Variants in ATXN1 observed in about 807,000 individuals in gnomAD.
ATXN1 encodes the protein ataxin 1.
In ATXN1, 8 loss-of-function variants were observed where a neutral mutation model predicts 56.4. The observed-to-expected ratio is 0.14, with a 90% CI of 0.08 to 0.26. The LOEUF is 0.26. ATXN1 is among the 10% of genes least tolerant of loss of function. The pLI is 1.00. For missense variants in ATXN1, 987 were observed against 1,106.5 expected (o/e 0.89, Z 1.53); for synonymous variants, 514 against 494.6 (o/e 1.04, Z -0.52).
intron 2 of ATXN1, among the ~76,000 whole-genome samples, chr6:16,751,071 C>A (rs148028261): frequency 6.6e-6 from 1 of 151,016 alleles, no homozygotes; most frequent in East Asian, 2.0e-4. Context: ...AGGATTCAAG[C>A]GATTCTCCTG....
At chr6:16,748,768 G>C (rs1036416258) in intron 2 of ATXN1, among the ~76,000 whole-genome samples, 1 of 151,632 alleles carries the variant, frequency 6.6e-6, no homozygotes, top group African/African-American at 2.4e-5. Context: ...TCTTGTCTTT[G>C]ATGAAAGTTA....
intron 2 of ATXN1, among the ~76,000 whole-genome samples, chr6:16,729,273 C>T (rs1441551603): frequency 6.6e-6 from 1 of 152,206 alleles, no homozygotes; most frequent in Non-Finnish European, 1.5e-5. Context: ...CAAAGGCAGA[C>T]TTCAAAAGGA....
chr6:16,366,314 C>T (rs1394567786), intron 6 of ATXN1, among the ~76,000 whole-genome samples: 2 of 152,122 alleles, frequency 1.3e-5, no homozygotes, highest in Admixed American at 6.5e-5. Context: ...ACCCAGAATA[C>T]CACATTAATT....
At chr6:16,426,339 G>A (rs1759154092) in intron 6 of ATXN1, among the ~76,000 whole-genome samples, 1 of 152,104 alleles carries the variant, frequency 6.6e-6, no homozygotes, top group Non-Finnish European at 1.5e-5. Context: ...CCAGGCAAAT[G>A]AGAATGAGAA....
At chr6:16,645,010 T>C (rs1056642751) in intron 3 of ATXN1, among the ~76,000 whole-genome samples, 63 of 152,330 alleles carry the variant, frequency 4.1e-4, no homozygotes, top group African/African-American at 1.4e-3. Flanking sequence ...TAATATGTGC[T>C]TGTAGGTTCA....
At chr6:16,565,602 G>A (rs1345898653) in intron 4 of ATXN1, among the ~76,000 whole-genome samples, 1 of 152,112 alleles carries the variant, frequency 6.6e-6, no homozygotes, top group African/African-American at 2.4e-5. Context: ...TGAACCAGAA[G>A]GTCTCTGGGT....
intron 6 of ATXN1, among the ~76,000 whole-genome samples, chr6:16,391,314 A>C (rs756542446): frequency 5.3e-5 from 8 of 152,258 alleles, no homozygotes; most frequent in Non-Finnish European, 7.4e-5. Context: ...CAGCACCATC[A>C]AAATTGTGCA....
At chr6:16,577,634 T>C (rs1762449230) in intron 4 of ATXN1, among the ~76,000 whole-genome samples, 1 of 151,516 alleles carries the variant, frequency 6.6e-6, no homozygotes, top group Non-Finnish European at 1.5e-5. Flanking sequence ...TCTGTAAACA[T>C]AGAAGAATTT....
At position 16,326,748 on chromosome 6, in the gene ATXN1, C is replaced by T. The variant is rs528819863; in HGVS notation, c.1563G>A (p.Thr521=). ...TCTTGGGAAGGGCGGTGGTGACGAACGTGTGAGGCACTGCAGCAAACTGGG... is the reference window on the plus strand; with the variant it reads ...TCTTGGGAAGGGCGGTGGTGACGAATGTGTGAGGCACTGCAGCAAACTGGG... ...SSPQFAAVPH[T]FVTTALPKSE... is the part of the protein sequence containing the mutation. Residue 521 remains threonine (T), a synonymous_variant, in exon 7 of 8, where the codon ACG becomes ACA. Coordinates refer to ENST00000436367, the MANE Select transcript of ATXN1 (RefSeq NM_001128164.2). This position sits in a 1 kb window ranked among gnomAD's most constrained non-coding sequence, Gnocchi z 6.6. 1.5e-5 allele frequency: 24 copies of T among 1,613,614 alleles called. No homozygotes were observed. Among genetic ancestry groups the T allele is most frequent in the South Asian group, 9.9e-5 (9 of 91,062 alleles).
chr6:16,707,846 A>G (rs1003527706), intron 2 of ATXN1, among the ~76,000 whole-genome samples: 5 of 152,240 alleles, frequency 3.3e-5, no homozygotes, highest in Non-Finnish European at 7.3e-5. Flanking sequence ...AAATGCTACA[A>G]GAATAAAATA....
chr6:16,368,261 T>G (rs1761967216), intron 6 of ATXN1, among the ~76,000 whole-genome samples: 1 of 150,668 alleles, frequency 6.6e-6, no homozygotes. Flanking sequence ...GTGACCATAA[T>G]CACCCTGGAC....
chr6:16,427,364 A>G (rs1173990993), intron 6 of ATXN1, among the ~76,000 whole-genome samples: 2 of 152,310 alleles, frequency 1.3e-5, no homozygotes, highest in African/African-American at 2.4e-5. Flanking sequence ...ACATTCAGAC[A>G]TTGCCAACTT....
chr6:16,732,494 T>C (rs9396708), intron 2 of ATXN1, among the ~76,000 whole-genome samples: 34,319 of 151,804 alleles, frequency 0.23, 4,367 homozygotes, highest in East Asian at 0.57. Context: ...TTGCTTGAAC[T>C]CAGGAGGCAG....
At chr6:16,390,047 A>G (rs1758320637) in intron 6 of ATXN1, among the ~76,000 whole-genome samples, 1 of 152,212 alleles carries the variant, frequency 6.6e-6, no homozygotes, top group African/African-American at 2.4e-5. Context: ...TTTTAAATAT[A>G]AGGATAGTGA....
chr6:16,548,138 G>A (rs1761848976), intron 4 of ATXN1, among the ~76,000 whole-genome samples: 1 of 152,158 alleles, frequency 6.6e-6, no homozygotes, highest in African/African-American at 2.4e-5. Context: ...GCATGATACT[G>A]TACTGAATAC....
At chr6:16,458,387 G>T (rs1476866607) in intron 6 of ATXN1, among the ~76,000 whole-genome samples, 1 of 152,154 alleles carries the variant, frequency 6.6e-6, no homozygotes, top group African/African-American at 2.4e-5. Flanking sequence ...GCTATGGGAG[G>T]CCTTAAGAAA....
At chr6:16,403,835 C>T (rs555192114) in intron 6 of ATXN1, among the ~76,000 whole-genome samples, 8 of 152,134 alleles carry the variant, frequency 5.3e-5, no homozygotes, top group African/African-American at 1.9e-4. Context: ...CTGGCTTTCA[C>T]GTTCTGTTCT....
At chr6:16,501,023 A>G (rs1760875554) in intron 5 of ATXN1, among the ~76,000 whole-genome samples, 1 of 152,246 alleles carries the variant, frequency 6.6e-6, no homozygotes, top group Admixed American at 6.5e-5. Context: ...TAATGATGGT[A>G]GAAATTGGGA....
chr6:16,577,855 C>T (rs532630899), intron 4 of ATXN1, among the ~76,000 whole-genome samples: 44 of 152,234 alleles, frequency 2.9e-4, no homozygotes, highest in African/African-American at 1.0e-3. Context: ...ATTTTCAATG[C>T]ATTATCTCAT....
Sources: allele counts gnomAD v4.1 joint callset (sites outside exome capture counted in the v4.1 genomes callset), GRCh38; gene constraint gnomAD v4.1.1; non-coding constraint Gnocchi (gnomAD v3.1); transcripts MANE v1.5; gene names NCBI Gene and HGNC (gene_info 2026-07-23, HGNC 2026-07-21).